DYM: variants seen among roughly 807,000 people sequenced by gnomAD.
The protein encoded by DYM is dymeclin, also known as dyggve-Melchior-Clausen syndrome protein.
Under a neutral mutation model 93.1 loss-of-function variants are expected in DYM, and 78 were observed. The observed-to-expected ratio is 0.84, with a 90% confidence interval of 0.70 to 1.01. The LOEUF (loss-of-function observed/expected upper bound fraction) is 1.01. DYM is among the 50% of genes least tolerant of loss of function. The pLI is 0.00. For synonymous variants in DYM, 321 were observed against 319.7 expected, an observed-to-expected ratio of 1.00 and a Z score of -0.04; for missense variants, 789 against 845.0, an observed-to-expected ratio of 0.93 and a Z score of 0.82.
At chr18:49,186,116 A>C (rs1568561652) in intron 14 of DYM, among the ~76,000 whole-genome samples, 1 of 152,124 alleles carries the variant, frequency 6.6e-6, no homozygotes, top group Non-Finnish European at 1.5e-5. Context: ...TGTCTCACTA[A>C]ATAGTATCCC....
chr18:49,097,614 T>C (rs1251036039), intron 16 of DYM, 99 bp from the exon 17 acceptor site: 18 of 1,058,866 alleles, frequency 1.7e-5, no homozygotes, highest in Non-Finnish European at 1.6e-5. Flanking sequence ...ATGATTCCAT[T>C]CCTACAGTGA....
intron 2 of DYM, among the ~76,000 whole-genome samples, chr18:49,422,882 C>T (rs1253597416): frequency 6.6e-6 from 1 of 152,134 alleles, no homozygotes; most frequent in African/African-American, 2.4e-5. Context: ...TACAGGAGCA[C>T]CCAGATTCAT....
At chr18:49,409,291 A>AAAAAAAAAG (rs1241291023) in intron 2 of DYM, among the ~76,000 whole-genome samples, 68 of 151,596 alleles carry the variant, frequency 4.5e-4, no homozygotes, top group Non-Finnish European at 8.4e-4. Context: ...CTCAAAAAAA[A>AAAAAAAAAG]AAAAAAAAGA....
intron 11 of DYM, among the ~76,000 whole-genome samples, chr18:49,271,023 G>A (rs189009195): frequency 7.2e-4 from 109 of 152,294 alleles, no homozygotes; most frequent in African/African-American, 2.5e-3. Flanking sequence ...ACAAGGTACA[G>A]TAAGTAAGAC....
chr18:49,237,443 C>T (rs16950465), intron 13 of DYM, among the ~76,000 whole-genome samples: 47,324 of 152,018 alleles, frequency 0.31, 10,212 homozygotes, highest in African/African-American at 0.62. Flanking sequence ...AGTAGAAAAT[C>T]ATCTAGAGTG....
chr18:49,316,725 C>T (rs998665159), intron 8 of DYM, among the ~76,000 whole-genome samples: 6 of 152,110 alleles, frequency 3.9e-5, no homozygotes, highest in Non-Finnish European at 8.8e-5. Context: ...TTCTCCTCCC[C>T]CTGAACCCCT....
At chr18:49,180,819 AG>A in intron 14 of DYM, among the ~76,000 whole-genome samples, 1 of 152,264 alleles carries the variant, frequency 6.6e-6, no homozygotes, top group South Asian at 2.1e-4. Flanking sequence ...GGCAGTTAAG[AG>A]TTGCTGTGAT....
chr18:49,377,971 G>A (rs1337129874), intron 5 of DYM, among the ~76,000 whole-genome samples: 5 of 152,152 alleles, frequency 3.3e-5, no homozygotes, highest in Non-Finnish European at 5.9e-5. Flanking sequence ...AACAGAACTC[G>A]GAAAACTATG....
At position 49,039,840 on chromosome 18, in the gene DYM, A is replaced by G. The variant is rs2070843020; in HGVS notation, c.*4215T>C. Among the ~76,000 whole-genome samples the G allele has an allele frequency of 6.6e-6, 1 of 152,160 alleles. No homozygotes were observed. Among genetic ancestry groups the G allele is most frequent in the Non-Finnish European group, 1.5e-5 (1 of 68,028 alleles). ...CTGTTTTAAATTCTGCGACAACTTT[A>G]TCTGGAGTCTGTTTGGATATTTCTA... On this transcript the variant is annotated 3_prime_UTR_variant, in exon 18 of 18. Transcript: ENST00000675505.
intron 8 of DYM, among the ~76,000 whole-genome samples, chr18:49,292,005 G>A (rs73959316): frequency 0.013 from 1,919 of 152,166 alleles, 34 homozygotes; most frequent in African/African-American, 0.043. Flanking sequence ...TCAGAGCAAT[G>A]AGAAACACAA....
At chr18:49,359,038 A>G (rs906811164) in intron 6 of DYM, among the ~76,000 whole-genome samples, 2 of 152,198 alleles carry the variant, frequency 1.3e-5, no homozygotes, top group African/African-American at 4.8e-5. Context: ...TTCAGCCCTT[A>G]TAGTAACACT....
intron 6 of DYM, among the ~76,000 whole-genome samples, chr18:49,337,327 A>G (rs2063745554): frequency 6.6e-6 from 1 of 152,104 alleles, no homozygotes; most frequent in Non-Finnish European, 1.5e-5. Flanking sequence ...CTTCTGGCAA[A>G]AGCAGCCCTT....
intron 13 of DYM, among the ~76,000 whole-genome samples, chr18:49,249,303 T>C (rs1025893253): frequency 2.0e-5 from 3 of 150,342 alleles, no homozygotes; most frequent in African/African-American, 7.6e-5. Flanking sequence ...TATCATTAAA[T>C]GGACTTTTTA....
intron 14 of DYM, among the ~76,000 whole-genome samples, chr18:49,170,568 T>C (rs1600312823): frequency 6.6e-6 from 1 of 150,804 alleles, no homozygotes; most frequent in Non-Finnish European, 1.5e-5. Context: ...GATCATGAGG[T>C]CAGGAATTTC....
chr18:49,407,759 A>C (rs1310728177), intron 2 of DYM, among the ~76,000 whole-genome samples: 1 of 152,214 alleles, frequency 6.6e-6, no homozygotes, highest in Non-Finnish European at 1.5e-5. Context: ...AAACCGTATC[A>C]CTGACAGCTG....
At chr18:49,309,221 G>C (rs980843716) in intron 8 of DYM, among the ~76,000 whole-genome samples, 2 of 152,206 alleles carry the variant, frequency 1.3e-5, no homozygotes, top group African/African-American at 4.8e-5. Context: ...AGCATACTTA[G>C]AGAAAACTGG....
At chr18:49,293,922 T>C (rs112554824) in intron 8 of DYM, among the ~76,000 whole-genome samples, 1 of 152,196 alleles carries the variant, frequency 6.6e-6, no homozygotes, top group African/African-American at 2.4e-5. Context: ...TTGCCTAGGT[T>C]TTCTTCTAGG....
At chr18:49,242,738 T>A (rs1057031536) in intron 13 of DYM, among the ~76,000 whole-genome samples, 2 of 152,184 alleles carry the variant, frequency 1.3e-5, no homozygotes, top group Non-Finnish European at 2.9e-5. Context: ...CTAGCTCAGT[T>A]GCTCAGGCTG....
chr18:49,196,309 T>A (rs915337376), intron 14 of DYM, among the ~76,000 whole-genome samples: 1 of 152,148 alleles, frequency 6.6e-6, no homozygotes, highest in Non-Finnish European at 1.5e-5. Flanking sequence ...TGAAAAGTGG[T>A]CATTAGTAGA....
Sources: allele counts gnomAD v4.1 joint callset (sites outside exome capture counted in the v4.1 genomes callset), GRCh38; gene constraint gnomAD v4.1.1; transcripts MANE v1.5; gene names NCBI Gene and HGNC (gene_info 2026-07-23, HGNC 2026-07-21).